ROBO1: variants seen among roughly 807,000 people sequenced by gnomAD.
ROBO1 encodes the protein roundabout homolog 1.
ROBO1 carries 149 observed loss-of-function variants against 195.9 expected under a neutral mutation model. That is an observed-to-expected ratio of 0.76 (90% CI 0.67 to 0.87). The LOEUF is 0.87. Ranked by LOEUF, ROBO1 falls within the 40% of genes least tolerant of loss-of-function variation. The probability of loss-of-function intolerance (pLI) is 0.00; values close to 1 mark genes in which losing one functional copy is unlikely to be tolerated. For missense variants in ROBO1, 1,933 were observed against 2,068.3 expected (o/e 0.93, Z 1.27); for synonymous variants, 816 against 733.2 (o/e 1.11, Z -1.82).
At chr3:79,701,816 T>C (rs1234962319) in intron 1 of ROBO1, among the ~76,000 whole-genome samples, 1 of 139,280 alleles carries the variant, frequency 7.2e-6, no homozygotes, top group Non-Finnish European at 1.5e-5. Context: ...TATTTTTGTA[T>C]TGATTATATT....
chr3:79,489,451 C>G (rs531380307), intron 2 of ROBO1, among the ~76,000 whole-genome samples: 31 of 151,942 alleles, frequency 2.0e-4, no homozygotes, highest in African/African-American at 6.0e-4. Context: ...GTCAAGAGAT[C>G]GAGACCATCC....
intron 2 of ROBO1, among the ~76,000 whole-genome samples, chr3:79,527,362 C>G (rs1179219241): frequency 6.6e-6 from 1 of 152,062 alleles, no homozygotes; most frequent in Non-Finnish European, 1.5e-5. Flanking sequence ...AATAATCTAG[C>G]ACTAAATAAT....
In ROBO1 at chr3:78,667,936, T is replaced by C. The variant is rs759089302; in HGVS notation, c.1913A>G (p.Asn638Ser). 2.5e-6 allele frequency: 4 copies of C among 1,613,680 alleles called. No homozygotes were observed. Among genetic ancestry groups the C allele is most frequent in the Non-Finnish European group, 3.4e-6 (4 of 1,179,774 alleles). Residue 638 changes from asparagine (N) to serine (S), a missense_variant, in exon 14 of 31, where the codon AAT (asparagine) becomes AGT (serine). Physicochemically the swap from Asn to Ser is conservative, Grantham distance 46. Coordinates refer to ENST00000464233, the MANE Select transcript of ROBO1 (RefSeq NM_002941.4). ...AIYLFLVRAA[N>S]AYGISDPSQI... ...GCTTGGATCACTAATTCCATATGCA[T>C]TAGCTGCCCTCACAAGGAAAAGGTA...
intron 2 of ROBO1, among the ~76,000 whole-genome samples, chr3:79,418,598 C>T (rs189398861): frequency 2.0e-5 from 3 of 152,156 alleles, no homozygotes; most frequent in African/African-American, 7.2e-5. Context: ...ATGCAAATAA[C>T]ATTAACACTG....
At chr3:79,014,245 AG>A (rs2077864141) in intron 3 of ROBO1, among the ~76,000 whole-genome samples, 2 of 152,124 alleles carry the variant, frequency 1.3e-5, no homozygotes, top group Admixed American at 6.5e-5. Flanking sequence ...CGAAGCAGGC[AG>A]ATCACCTGAG....
intron 2 of ROBO1, among the ~76,000 whole-genome samples, chr3:79,328,393 T>A (rs2034303678): frequency 6.6e-6 from 1 of 152,126 alleles, no homozygotes; most frequent in Admixed American, 6.5e-5. Context: ...TAGTTCTCAA[T>A]CTTAAATACA....
chr3:78,821,161 A>ATTTT (rs71631622), intron 4 of ROBO1, among the ~76,000 whole-genome samples: 14 of 122,212 alleles, frequency 1.1e-4, no homozygotes, highest in Admixed American at 1.7e-4. Flanking sequence ...TATGATACTG[A>ATTTT]TTTTTTTTTT....
intron 2 of ROBO1, among the ~76,000 whole-genome samples, chr3:79,253,651 C>T (rs2082773070): frequency 6.6e-6 from 1 of 152,098 alleles, no homozygotes; most frequent in Non-Finnish European, 1.5e-5. Context: ...AGGCACAGGC[C>T]AAACAAAGAC....
chr3:78,878,484 C>T (rs1229338720), intron 4 of ROBO1, among the ~76,000 whole-genome samples: 3 of 146,628 alleles, frequency 2.0e-5, no homozygotes, highest in African/African-American at 7.6e-5. Flanking sequence ...ACTTGTGAGG[C>T]TGAGGCAGGA....
intron 2 of ROBO1, among the ~76,000 whole-genome samples, chr3:79,521,557 AC>A (rs2107580055): frequency 6.6e-6 from 1 of 152,280 alleles, no homozygotes; most frequent in Non-Finnish European, 1.5e-5. Flanking sequence ...AAGACAAGTG[AC>A]TACATAAGTA....
At chr3:78,865,472 C>CT (rs549086224) in intron 4 of ROBO1, among the ~76,000 whole-genome samples, 7,979 of 126,824 alleles carry the variant, frequency 0.063, 698 homozygotes, top group African/African-American at 0.18. Context: ...TTGATGAACG[C>CT]TTTTTTTTTT....
intron 2 of ROBO1, among the ~76,000 whole-genome samples, chr3:79,295,181 A>C (rs1055854578): frequency 6.6e-6 from 1 of 152,202 alleles, no homozygotes; most frequent in Non-Finnish European, 1.5e-5. Flanking sequence ...CACAATAGCA[A>C]ATACCTGGAA....
intron 3 of ROBO1, among the ~76,000 whole-genome samples, chr3:79,064,751 G>T (rs2078977631): frequency 6.6e-6 from 1 of 151,848 alleles, no homozygotes; most frequent in South Asian, 2.1e-4. Context: ...CCAAATTTTT[G>T]ACAAACATCT....
chr3:79,098,435 A>G (rs1327325140), intron 3 of ROBO1, among the ~76,000 whole-genome samples: 1 of 151,832 alleles, frequency 6.6e-6, no homozygotes, highest in Non-Finnish European at 1.5e-5. Flanking sequence ...AGGCATGCTG[A>G]AAAAAGAACC....
chr3:78,785,143 G>C (rs1259931459), intron 4 of ROBO1, among the ~76,000 whole-genome samples: 1 of 152,152 alleles, frequency 6.6e-6, no homozygotes, highest in Non-Finnish European at 1.5e-5. Flanking sequence ...TGCATCAACT[G>C]CAACGATATA....
intron 17 of ROBO1, among the ~76,000 whole-genome samples, chr3:78,657,615 T>C (rs67362360): frequency 0.25 from 38,648 of 152,150 alleles, 5,110 homozygotes; most frequent in African/African-American, 0.32. Flanking sequence ...GCTAAATAAG[T>C]ACCTTGCAGA....
At chr3:78,601,334 C>T (rs1395841149) in intron 29 of ROBO1, among the ~76,000 whole-genome samples, 4 of 152,164 alleles carry the variant, frequency 2.6e-5, no homozygotes, top group African/African-American at 4.8e-5. Flanking sequence ...ACATCTCCAC[C>T]TCTGAGGCCC....
chr3:79,607,907 G>A lies in ROBO1; in HGVS notation c.-50-17946C>T, dbSNP rs575993130. ...ATAACCAGGATGTTGAATATTTGCA[G>A]TCATTATAGAAATGGCTGTGTAACA... On this transcript the variant is annotated intron_variant, in intron 1 of 30. Transcript: ENST00000464233. Among the ~76,000 whole-genome samples the A allele has an allele frequency of 1.5e-3, 223 of 152,122 alleles. 2 individuals carry two copies. Among genetic ancestry groups the A allele is most frequent in the African/African-American group, 5.1e-3 (212 of 41,532 alleles).
At chr3:79,478,034 T>C (rs73129056) in intron 2 of ROBO1, among the ~76,000 whole-genome samples, 2 of 152,188 alleles carry the variant, frequency 1.3e-5, no homozygotes, top group African/African-American at 4.8e-5. Context: ...CTTCATTTTG[T>C]ATATGTCATA....
Sources: gnomAD v4.1 joint callset for allele counts (sites outside exome capture counted in the v4.1 genomes callset) on GRCh38, gnomAD v4.1.1 for gene constraint, MANE v1.5 for transcripts, NCBI Gene and HGNC (gene_info 2026-07-23, HGNC 2026-07-21) for gene names.